Variants in CDH18 observed in about 807,000 individuals in gnomAD.
CDH18 encodes cadherin 18, also known as cadherin-18.
Under a neutral mutation model 67.9 loss-of-function variants are expected in CDH18, and 31 were observed. That is an observed-to-expected ratio of 0.46 (90% CI 0.34 to 0.62). The LOEUF is 0.62. Ranked by LOEUF, CDH18 falls within the 20% of genes least tolerant of loss-of-function variation. The probability of loss-of-function intolerance (pLI) is 0.01; values close to 1 mark genes in which losing one functional copy is unlikely to be tolerated. For synonymous variants in CDH18, 362 were observed against 347.2 expected, an observed-to-expected ratio of 1.04 and a Z score of -0.48; for missense variants, 890 against 975.5, an observed-to-expected ratio of 0.91 and a Z score of 1.17.
intron 9 of CDH18, 144 bp downstream of exon 9, chr5:19,543,725 A>T: frequency 2.1e-6 from 1 of 476,486 alleles, no homozygotes; most frequent in Admixed American, 3.5e-5. Context: ...TCTGATAATG[A>T]GAAATTATAT....
At chr5:20,489,622 C>T (rs1003204478) in intron 1 of CDH18, among the ~76,000 whole-genome samples, 1 of 151,924 alleles carries the variant, frequency 6.6e-6, no homozygotes, top group African/African-American at 2.4e-5. Flanking sequence ...TATTACAGTT[C>T]AAGATAAAAA....
chr5:19,956,494 C>T (rs1283207936), intron 2 of CDH18, among the ~76,000 whole-genome samples: 2 of 151,688 alleles, frequency 1.3e-5, no homozygotes, highest in East Asian at 1.9e-4. Flanking sequence ...GAGTGATGCT[C>T]CTTATAATTT....
At chr5:20,537,135 G>A (rs1401661113) in intron 1 of CDH18, among the ~76,000 whole-genome samples, 4 of 152,058 alleles carry the variant, frequency 2.6e-5, no homozygotes. Flanking sequence ...AACCATTAGA[G>A]GGCTGATAAC....
At chr5:19,727,119 CAATT>C (rs1766944673) in intron 4 of CDH18, among the ~76,000 whole-genome samples, 1 of 152,012 alleles carries the variant, frequency 6.6e-6, no homozygotes, top group Admixed American at 6.5e-5. Context: ...CTAAGACAAT[CAATT>C]AATCAATAAA....
intron 2 of CDH18, among the ~76,000 whole-genome samples, chr5:20,109,070 G>C (rs1282771488): frequency 1.3e-5 from 2 of 152,162 alleles, no homozygotes; most frequent in African/African-American, 4.8e-5. Context: ...AAGAAGCTTT[G>C]CTGTGCTTAA....
At chr5:20,296,174 G>A (rs1222051258) in intron 1 of CDH18, among the ~76,000 whole-genome samples, 1 of 146,818 alleles carries the variant, frequency 6.8e-6, no homozygotes, top group African/African-American at 2.5e-5. Context: ...GCGCCTGGCC[G>A]ACAAATTTTC....
chr5:19,992,902 T>C (rs1800062665), upstream of CDH18, among the ~76,000 whole-genome samples: 1 of 152,126 alleles, frequency 6.6e-6, no homozygotes, highest in South Asian at 2.1e-4. Flanking sequence ...TTTTGGGTGT[T>C]GCTACAATTT....
intron 2 of CDH18, among the ~76,000 whole-genome samples, chr5:19,929,356 T>C (rs544984304): frequency 6.6e-6 from 1 of 152,220 alleles, no homozygotes; most frequent in East Asian, 1.9e-4. Context: ...AGAGCATTAC[T>C]ATATGCAGAG....
rs994791731 is a variant in CDH18 at position 19,554,210 on chromosome 5, A to T, written c.1254-10205T>A. On this transcript the variant is annotated intron_variant, in intron 8 of 12. Coordinates refer to ENST00000382275, the MANE Select transcript of CDH18 (RefSeq NM_004934.5). ...ATCAAAACTTCCATCCAATGAAGCA[A>T]AATTAAGCTAAACCTCTGCACATGC... Among the ~76,000 whole-genome samples, 21 of 152,206 alleles carry T rather than the reference A, an allele frequency of 1.4e-4. 1 individual carries two copies. The highest frequency in any genetic ancestry group is 5.9e-4 in the Admixed American group (9 of 15,274).
chr5:20,087,537 G>A (rs1745073785), intron 2 of CDH18, among the ~76,000 whole-genome samples: 1 of 151,402 alleles, frequency 6.6e-6, no homozygotes, highest in African/African-American at 2.4e-5. Context: ...AATTGTCACA[G>A]TGACCTTAAC....
intron 2 of CDH18, among the ~76,000 whole-genome samples, chr5:20,242,640 A>ATATATACATATATATG (rs1561906132): frequency 7.2e-6 from 1 of 138,042 alleles, no homozygotes; most frequent in African/African-American, 2.8e-5. Flanking sequence ...ATATGTATAT[A>ATATATACATATATATG]TATATATATA....
chr5:19,554,628 A>G (rs931453477), intron 8 of CDH18, among the ~76,000 whole-genome samples: 1 of 151,868 alleles, frequency 6.6e-6, no homozygotes, highest in Non-Finnish European at 1.5e-5. Flanking sequence ...CCCTGTTAGT[A>G]GATCTATAGA....
chr5:20,377,583 G>C (rs1743566490), intron 1 of CDH18, among the ~76,000 whole-genome samples: 1 of 152,090 alleles, frequency 6.6e-6, no homozygotes, highest in Admixed American at 6.5e-5. Flanking sequence ...AATACAAATA[G>C]GAACACAATG....
intron 2 of CDH18, among the ~76,000 whole-genome samples, chr5:20,090,751 T>C (rs1745345158): frequency 6.6e-6 from 1 of 151,886 alleles, no homozygotes; most frequent in Non-Finnish European, 1.5e-5. Flanking sequence ...AAATACTGGC[T>C]GGGTGCGGTG....
chr5:19,858,826 T>C (rs1784561441), intron 2 of CDH18, among the ~76,000 whole-genome samples: 1 of 152,158 alleles, frequency 6.6e-6, no homozygotes. Flanking sequence ...AACTCATTTG[T>C]TAGATATTAC....
At chr5:19,540,604 A>G (rs1323173436) in intron 9 of CDH18, among the ~76,000 whole-genome samples, 1 of 152,108 alleles carries the variant, frequency 6.6e-6, no homozygotes, top group Non-Finnish European at 1.5e-5. Context: ...GAGGTTCCCA[A>G]ACCTCAATTC....
At chr5:19,670,312 T>G (rs1347907414) in intron 5 of CDH18, among the ~76,000 whole-genome samples, 1 of 152,146 alleles carries the variant, frequency 6.6e-6, no homozygotes, top group Non-Finnish European at 1.5e-5. Flanking sequence ...ATGAAAATTC[T>G]AAGCAACAGA....
chr5:19,527,158 T>G (rs1343956550), intron 9 of CDH18, among the ~76,000 whole-genome samples: 1 of 151,888 alleles, frequency 6.6e-6, no homozygotes, highest in East Asian at 1.9e-4. Context: ...TTAATAAACA[T>G]GTAACAATAA....
At chr5:19,529,740 T>G (rs1420257829) in intron 9 of CDH18, among the ~76,000 whole-genome samples, 2 of 152,014 alleles carry the variant, frequency 1.3e-5, no homozygotes, top group Non-Finnish European at 2.9e-5. Flanking sequence ...AACAAATACG[T>G]GAAATGTTTG....
Sources: allele counts gnomAD v4.1 joint callset (sites outside exome capture counted in the v4.1 genomes callset), GRCh38; gene constraint gnomAD v4.1.1; transcripts MANE v1.5; gene names NCBI Gene and HGNC (gene_info 2026-07-23, HGNC 2026-07-21).